Variants in PPP3CA observed in about 807,000 individuals in gnomAD.
PPP3CA encodes the protein CAM-PRP catalytic subunit.
Under a neutral mutation model 66.5 loss-of-function variants are expected in PPP3CA, and 14 were observed. The ratio of observed to expected loss-of-function variants is 0.21; its 90% confidence interval spans 0.14 to 0.33. The LOEUF is 0.33. Ranked by LOEUF, PPP3CA falls within the 10% of genes least tolerant of loss-of-function variation. The pLI is 1.00. For synonymous variants in PPP3CA, 232 were observed against 226.2 expected (o/e 1.03, Z -0.23); for missense variants, 317 against 639.5 (o/e 0.50, Z 5.44).
In PPP3CA at chr4:101,320,552, G is replaced by A. The variant is rs144778188; in HGVS notation, c.58+26187C>T. 3.1e-4 allele frequency among the ~76,000 whole-genome samples: 47 copies of A among 151,908 alleles called. No homozygotes were observed. In the East Asian group the frequency reaches 3.3e-3, roughly 11 times the overall value. ...GTCAATGTTTCCTCCAGTGGAGGGC[G>A]GAGGGGCTTGGATTCCAGGTGATTG... On this transcript the variant is annotated intron_variant, in intron 1 of 13. Coordinates refer to ENST00000394854, the MANE Select transcript of PPP3CA (RefSeq NM_000944.5).
At chr4:101,189,177 C>T (rs1489446612) in intron 2 of PPP3CA, among the ~76,000 whole-genome samples, 1 of 152,052 alleles carries the variant, frequency 6.6e-6, no homozygotes, top group African/African-American at 2.4e-5. Context: ...TAAATGGTTA[C>T]ACTAACACAA....
intron 1 of PPP3CA, among the ~76,000 whole-genome samples, chr4:101,309,655 G>A (rs1357327368): frequency 1.3e-5 from 2 of 152,106 alleles, no homozygotes; most frequent in Non-Finnish European, 2.9e-5. Context: ...CTGCCATGTA[G>A]GGCCCTGTGA....
intron 1 of PPP3CA, among the ~76,000 whole-genome samples, chr4:101,283,894 C>A (rs1297610417): frequency 1.3e-5 from 2 of 152,174 alleles, no homozygotes; most frequent in African/African-American, 4.8e-5. Context: ...CTTCTCAAGA[C>A]CGACGTTTCG....
chr4:101,074,524 C>T (rs1039190357), intron 8 of PPP3CA, among the ~76,000 whole-genome samples: 3 of 152,162 alleles, frequency 2.0e-5, no homozygotes, highest in Non-Finnish European at 2.9e-5. Context: ...GTCAAGCTGG[C>T]ATCGGATATG....
At chr4:101,097,621 A>G (rs1378542180) in intron 5 of PPP3CA, among the ~76,000 whole-genome samples, 1 of 152,132 alleles carries the variant, frequency 6.6e-6, no homozygotes, top group Non-Finnish European at 1.5e-5. Flanking sequence ...GCGATTTTTT[A>G]TTACTCTCTA....
chr4:101,278,275 T>C (rs1049052151), intron 1 of PPP3CA, among the ~76,000 whole-genome samples: 19 of 152,164 alleles, frequency 1.2e-4, no homozygotes, highest in African/African-American at 4.1e-4. Context: ...CTTTAAAATA[T>C]ATTCAATTTT....
chr4:101,034,759 T>G (rs748260435), intron 11 of PPP3CA, among the ~76,000 whole-genome samples: 2 of 152,246 alleles, frequency 1.3e-5, no homozygotes, highest in African/African-American at 4.8e-5. Context: ...TTTTCATGCA[T>G]GTATTTCAAA....
intron 1 of PPP3CA, among the ~76,000 whole-genome samples, chr4:101,236,434 T>C (rs1726133901): frequency 6.6e-6 from 1 of 151,926 alleles, no homozygotes; most frequent in Non-Finnish European, 1.5e-5. Flanking sequence ...CATCTGTGGT[T>C]GGAGTGCTAG....
intron 2 of PPP3CA, among the ~76,000 whole-genome samples, chr4:101,112,170 C>T (rs1721695368): frequency 1.3e-5 from 2 of 152,046 alleles, no homozygotes; most frequent in South Asian, 4.1e-4. Flanking sequence ...ACAACTGAAG[C>T]ATAATCTGGC....
chr4:101,124,739 G>GAA (rs768440380), intron 2 of PPP3CA, among the ~76,000 whole-genome samples: 44 of 87,418 alleles, frequency 5.0e-4, no homozygotes, highest in African/African-American at 2.2e-3. Context: ...AAGAAAGAAA[G>GAA]AAAGAAAGAA....
intron 10 of PPP3CA, among the ~76,000 whole-genome samples, chr4:101,044,005 A>G (rs28473322): frequency 0.064 from 9,693 of 152,308 alleles, 353 homozygotes; most frequent in African/African-American, 0.093. Flanking sequence ...ACTATTCTCT[A>G]AATGTTTTAT....
chr4:101,327,576 T>C (rs1041819831), intron 1 of PPP3CA, among the ~76,000 whole-genome samples: 7 of 152,202 alleles, frequency 4.6e-5, no homozygotes, highest in African/African-American at 1.4e-4. Flanking sequence ...ACCACTGGAA[T>C]GTTTAATCAC....
intron 10 of PPP3CA, among the ~76,000 whole-genome samples, chr4:101,044,563 A>T (rs1371648299): frequency 6.6e-6 from 1 of 152,242 alleles, no homozygotes; most frequent in East Asian, 1.9e-4. Flanking sequence ...GAAAGGTAGT[A>T]TTTCATATGT....
intron 1 of PPP3CA, among the ~76,000 whole-genome samples, chr4:101,200,240 C>A (rs2659538): frequency 0.24 from 36,806 of 151,852 alleles, 6,847 homozygotes; most frequent in African/African-American, 0.51. Context: ...GAAGATGGTC[C>A]GTGAAAATAC....
At chr4:101,197,796 A>G (rs1312834307) in intron 1 of PPP3CA, among the ~76,000 whole-genome samples, 2 of 152,186 alleles carry the variant, frequency 1.3e-5, no homozygotes, top group Admixed American at 6.5e-5. Context: ...AGGCTCAAAA[A>G]TATTAAGCAC....
At chr4:101,302,566 T>C (rs1728412942) in intron 1 of PPP3CA, among the ~76,000 whole-genome samples, 1 of 152,218 alleles carries the variant, frequency 6.6e-6, no homozygotes, top group African/African-American at 2.4e-5. Flanking sequence ...ATTTCACTCT[T>C]GTTGCCCAGG....
chr4:101,110,303 T>G (rs1013836341), intron 2 of PPP3CA, among the ~76,000 whole-genome samples: 1 of 152,146 alleles, frequency 6.6e-6, no homozygotes. Flanking sequence ...ATTTCCTTAC[T>G]TGACAAAAGA....
At chr4:101,056,178 A>G (rs966488843) in intron 10 of PPP3CA, among the ~76,000 whole-genome samples, 3 of 151,210 alleles carry the variant, frequency 2.0e-5, no homozygotes, top group African/African-American at 7.3e-5. Flanking sequence ...AGTCTGGATC[A>G]CTTTATATGT....
chr4:101,127,757 TAAC>T (rs965677614), intron 2 of PPP3CA, among the ~76,000 whole-genome samples: 62 of 152,198 alleles, frequency 4.1e-4, no homozygotes, highest in Middle Eastern at 6.8e-3. Context: ...ACAACAACAA[TAAC>T]AACAACAACA....
Sources: gnomAD v4.1 joint callset for allele counts (sites outside exome capture counted in the v4.1 genomes callset) on GRCh38, gnomAD v4.1.1 for gene constraint, MANE v1.5 for transcripts, NCBI Gene and HGNC (gene_info 2026-07-23, HGNC 2026-07-21) for gene names.